FER1L6: variants seen among roughly 807,000 people sequenced by gnomAD.
FER1L6 encodes the protein fer-1-like protein 6.
Under a neutral mutation model 219.2 loss-of-function variants are expected in FER1L6, and 177 were observed. The observed-to-expected ratio is 0.81, with a 90% CI of 0.71 to 0.91. The LOEUF (loss-of-function observed/expected upper bound fraction) is 0.91. Among genes scored for constraint, FER1L6 ranks in the 40% least tolerant of loss-of-function variants. FER1L6 has a pLI of 0.00. For missense variants in FER1L6, 2,153 were observed against 2,259.9 expected (o/e 0.95, Z 0.96); for synonymous variants, 768 against 824.3 (o/e 0.93, Z 1.17).
Position 124,111,775 on chromosome 8 carries a change from C to A in FER1L6, c.5290-7069C>A, listed in dbSNP as rs545646307. 6.6e-6 allele frequency among the ~76,000 whole-genome samples: 1 copy of A among 151,992 alleles called. No individual in the cohort carries two copies. The highest frequency in any genetic ancestry group is 6.6e-5 in the Admixed American group (1 of 15,264). ...TGTTCTCTGGTCGGTGGGTTTTGGC[C>A]GGCTTCTTTACTGCAACCTGTTTTA... On this transcript the variant is annotated intron_variant, in intron 39 of 40. Coordinates refer to ENST00000522917, the MANE Select transcript of FER1L6 (RefSeq NM_001039112.2). This position sits in a 1 kb window ranked among gnomAD's most constrained non-coding sequence, Gnocchi z 5.0.
intron 1 of FER1L6, among the ~76,000 whole-genome samples, chr8:123,945,257 T>C (rs1346336264): frequency 1.3e-5 from 2 of 152,204 alleles, no homozygotes; most frequent in African/African-American, 4.8e-5. Flanking sequence ...CCGAGGATAG[T>C]GACTCCTGGA....
intron 1 of FER1L6, among the ~76,000 whole-genome samples, chr8:123,891,920 T>G (rs1218267723): frequency 6.6e-6 from 1 of 152,154 alleles, no homozygotes; most frequent in Non-Finnish European, 1.5e-5. Context: ...AGGGATAAGA[T>G]TAGTTCAGAG....
At chr8:123,890,845 T>C (rs891288586) in intron 1 of FER1L6, among the ~76,000 whole-genome samples, 2 of 147,318 alleles carry the variant, frequency 1.4e-5, no homozygotes, top group African/African-American at 5.0e-5. Flanking sequence ...AATTTTGTTA[T>C]TTAAAAAGTA....
chr8:124,045,739 T>G, intron 20 of FER1L6, 28 bp from the exon 21 acceptor site: 1 of 1,613,260 alleles, frequency 6.2e-7, no homozygotes, highest in South Asian at 1.1e-5. Context: ...TGAATGATCT[T>G]TTGCTTTTCT....
At chr8:123,950,682 T>C (rs1814721790) in intron 1 of FER1L6, among the ~76,000 whole-genome samples, 1 of 152,184 alleles carries the variant, frequency 6.6e-6, no homozygotes, top group Non-Finnish European at 1.5e-5. Flanking sequence ...TGAATCTCAT[T>C]ATAATGCTTG....
intron 1 of FER1L6, among the ~76,000 whole-genome samples, chr8:123,939,459 A>G (rs145857286): frequency 2.7e-4 from 41 of 152,208 alleles, no homozygotes; most frequent in East Asian, 2.1e-3. Context: ...AGTGCTGGAG[A>G]TTTATTCGGG....
At chr8:123,901,325 G>A (rs1170777648) in intron 1 of FER1L6, among the ~76,000 whole-genome samples, 1 of 152,092 alleles carries the variant, frequency 6.6e-6, no homozygotes, top group Non-Finnish European at 1.5e-5. Flanking sequence ...ATGATCTTTT[G>A]TATTTCAGTG....
rs571576241 is a variant in FER1L6, at chr8:123,869,941, T to C, written c.-8+17756T>C. Among the ~76,000 whole-genome samples, 36 of 152,308 alleles carry C rather than the reference T, an allele frequency of 2.4e-4. 1 individual carries two copies. The South Asian group carries it at 7.2e-3, about 31-fold the overall frequency. ...TTACAAAGGTGCAAAGGCAATTGGA[T>C]AGAGAAAGAAGACTTTTCAACAAAC... On this transcript the variant is annotated intron_variant, in intron 1 of 40. Coordinates refer to ENST00000522917, the MANE Select transcript of FER1L6 (RefSeq NM_001039112.2).
chr8:124,016,972 T>C (rs902034362), intron 15 of FER1L6, among the ~76,000 whole-genome samples: 5 of 152,198 alleles, frequency 3.3e-5, no homozygotes, highest in African/African-American at 1.2e-4. Context: ...CCACCTTCCA[T>C]AGAGTAGAAG....
rs557055948 is a variant in FER1L6, at chr8:123,950,946, G to T, written c.-7-5046G>T. On this transcript the variant is annotated intron_variant, in intron 1 of 40. Coordinates refer to ENST00000522917, the MANE Select transcript of FER1L6 (RefSeq NM_001039112.2). ...CTAATCCTGTGCATAAATAGAGAAGGTAGCCAATTTTGTGGGCTAATTGTA... is the reference window on the plus strand; with the variant it reads ...CTAATCCTGTGCATAAATAGAGAAGTTAGCCAATTTTGTGGGCTAATTGTA... 1.1e-4 allele frequency among the ~76,000 whole-genome samples: 16 copies of T among 152,312 alleles called. No individual in the cohort carries two copies. The South Asian group carries it at 3.3e-3, about 32-fold the overall frequency.
intron 1 of FER1L6, among the ~76,000 whole-genome samples, chr8:123,874,862 A>ATCAAAAAAATATATATATATTTTTT (rs1816979467): frequency 3.3e-5 from 5 of 152,120 alleles, no homozygotes; most frequent in Non-Finnish European, 5.9e-5. Context: ...TTGATACTAT[A>ATCAAAAAAATATATATATATTTTTT]TGTTCCTCCA....
intron 1 of FER1L6, among the ~76,000 whole-genome samples, chr8:123,875,387 G>A (rs1043948956): frequency 5.9e-5 from 9 of 152,050 alleles, no homozygotes; most frequent in Admixed American, 1.3e-4. Context: ...ATTCTCCTTT[G>A]ATCTCAGCAC....
intron 1 of FER1L6, among the ~76,000 whole-genome samples, chr8:123,855,678 C>T (rs1563663020): frequency 7.7e-6 from 1 of 129,954 alleles, no homozygotes; most frequent in Admixed American, 7.5e-5. Flanking sequence ...AAGTGAAAAC[C>T]ATATGTGTGT....
chr8:124,064,290 GA>G, intron 25 of FER1L6, 56 bp from the exon 26 acceptor site: 2 of 1,429,998 alleles, frequency 1.4e-6, no homozygotes, highest in Non-Finnish European at 2.0e-6. Context: ...TTAGGTCCCT[GA>G]AACGACCACC....
At chr8:124,036,479 T>C (rs1312443394) in intron 19 of FER1L6, among the ~76,000 whole-genome samples, 1 of 152,316 alleles carries the variant, frequency 6.6e-6, no homozygotes, top group Non-Finnish European at 1.5e-5. Context: ...TCTTCATCTT[T>C]CAGATGAAGA....
At chr8:124,049,829 A>G (rs1819923686) in intron 22 of FER1L6, 73 bp downstream of exon 22, 19 of 1,469,612 alleles carry the variant, frequency 1.3e-5, no homozygotes, top group Non-Finnish European at 1.6e-5. Flanking sequence ...CACAAATGCC[A>G]CTTCAATGAA....
rs1820737726 is a variant in FER1L6, at chr8:124,064,462, C to T, written c.3444C>T (p.Asp1148=). ...AGCCACCTCCCACAGTGGTGCCCGA[C>T]TCTGCCCAGGCCCAGCCGGCCATCC... ...DVEPPPTVVP[D]SAQAQPAILV... The change falls in exon 26 of 41, where the codon GAC becomes GAT. Residue 1148 remains aspartate, a synonymous_variant. Coordinates refer to ENST00000522917, the MANE Select transcript of FER1L6 (RefSeq NM_001039112.2). 1 of 1,614,098 alleles carries T rather than the reference C, an allele frequency of 6.2e-7. No individual in the cohort carries two copies. Among genetic ancestry groups the T allele is most frequent in the South Asian group, 1.1e-5 (1 of 91,056 alleles).
intron 1 of FER1L6, among the ~76,000 whole-genome samples, chr8:123,940,471 G>A (rs1814193168): frequency 6.6e-6 from 1 of 152,158 alleles, no homozygotes; most frequent in Non-Finnish European, 1.5e-5. Flanking sequence ...CTGAGTAGCT[G>A]GGACTACAGG....
At chr8:123,911,196 A>C (rs1813042338) in intron 1 of FER1L6, among the ~76,000 whole-genome samples, 1 of 152,230 alleles carries the variant, frequency 6.6e-6, no homozygotes, top group Non-Finnish European at 1.5e-5. Flanking sequence ...TGGAAAAGGA[A>C]TAGTAATTAC....
Sources: gnomAD v4.1 joint callset for allele counts (sites outside exome capture counted in the v4.1 genomes callset) on GRCh38, gnomAD v4.1.1 for gene constraint, Gnocchi (gnomAD v3.1) non-coding constraint, MANE v1.5 for transcripts, NCBI Gene and HGNC (gene_info 2026-07-23, HGNC 2026-07-21) for gene names.